Variants in LRRC4C observed in about 807,000 individuals in gnomAD.
LRRC4C encodes leucine-rich repeat-containing protein 4C.
LRRC4C carries 5 observed loss-of-function variants against 33.6 expected under a neutral mutation model. The observed-to-expected ratio is 0.15, with a 90% CI of 0.08 to 0.31. LRRC4C has a LOEUF of 0.31. LRRC4C is among the 10% of genes least tolerant of loss of function. The pLI is 1.00. For synonymous variants in LRRC4C, 329 were observed against 302.0 expected, an observed-to-expected ratio of 1.09 and a Z score of -0.93; for missense variants, 560 against 796.7, an observed-to-expected ratio of 0.70 and a Z score of 3.58.
chr11:41,018,314 TC>T (rs1157789977), intron 1 of LRRC4C, among the ~76,000 whole-genome samples: 1 of 152,146 alleles, frequency 6.6e-6, no homozygotes, highest in Non-Finnish European at 1.5e-5. Context: ...CACTTCTAGA[TC>T]AGCACCAAAA....
At chr11:41,088,719 A>T (rs1382878078) in intron 1 of LRRC4C, among the ~76,000 whole-genome samples, 2 of 152,080 alleles carry the variant, frequency 1.3e-5, no homozygotes, top group Non-Finnish European at 2.9e-5. Context: ...CCAAAGTTTA[A>T]ATAAGTAATA....
intron 2 of LRRC4C, among the ~76,000 whole-genome samples, chr11:40,848,614 T>C (rs1484697951): frequency 6.6e-6 from 1 of 152,206 alleles, no homozygotes; most frequent in African/African-American, 2.4e-5. Flanking sequence ...GAAGAATGTA[T>C]ATTCTGCTGA....
At chr11:40,632,578 T>C (rs1261494974) in intron 3 of LRRC4C, among the ~76,000 whole-genome samples, 3 of 152,204 alleles carry the variant, frequency 2.0e-5, no homozygotes, top group Non-Finnish European at 2.9e-5. Flanking sequence ...GAGAAGACAC[T>C]CTGCATTTTA....
At chr11:41,280,939 C>T (rs762048268) in intron 1 of LRRC4C, among the ~76,000 whole-genome samples, 5 of 151,984 alleles carry the variant, frequency 3.3e-5, no homozygotes, top group Non-Finnish European at 7.4e-5. Context: ...GGTACACTCT[C>T]GTCACCAAGA....
chr11:40,744,326 A>T (rs1184880299), intron 2 of LRRC4C, among the ~76,000 whole-genome samples: 1 of 152,188 alleles, frequency 6.6e-6, no homozygotes, highest in Non-Finnish European at 1.5e-5. Context: ...TAAAATGGTG[A>T]CATCTGAAAA....
intron 1 of LRRC4C, among the ~76,000 whole-genome samples, chr11:41,033,427 G>A (rs560406453): frequency 6.6e-6 from 1 of 152,170 alleles, no homozygotes; most frequent in South Asian, 2.1e-4. Flanking sequence ...GTAAGGTACA[G>A]GGTTGAGCTG....
intron 5 of LRRC4C, among the ~76,000 whole-genome samples, chr11:40,192,046 T>C (rs1294602606): frequency 2.0e-5 from 3 of 152,186 alleles, no homozygotes; most frequent in Non-Finnish European, 2.9e-5. Context: ...TAACATTATA[T>C]AGGCACTTGA....
intron 2 of LRRC4C, among the ~76,000 whole-genome samples, chr11:40,666,730 T>C (rs917495559): frequency 6.6e-6 from 1 of 151,820 alleles, no homozygotes; most frequent in African/African-American, 2.4e-5. Flanking sequence ...TAATCTTAAA[T>C]TAACAGGAGA....
At chr11:40,418,822 G>C (rs1950420928) in intron 3 of LRRC4C, among the ~76,000 whole-genome samples, 1 of 152,136 alleles carries the variant, frequency 6.6e-6, no homozygotes, top group Non-Finnish European at 1.5e-5. Context: ...GACACGGATG[G>C]AGCTGGAAGC....
chr11:40,885,645 A>G (rs1461168027), intron 2 of LRRC4C, among the ~76,000 whole-genome samples: 1 of 152,100 alleles, frequency 6.6e-6, no homozygotes, highest in East Asian at 1.9e-4. Flanking sequence ...TTAGAGACAC[A>G]GGTATCGTAC....
chr11:40,703,578 A>C (rs1945991094), intron 2 of LRRC4C, among the ~76,000 whole-genome samples: 1 of 152,124 alleles, frequency 6.6e-6, no homozygotes, highest in South Asian at 2.1e-4. Context: ...AGAGACAGAG[A>C]GAGCTTTACA....
intron 3 of LRRC4C, among the ~76,000 whole-genome samples, chr11:40,497,591 G>C (rs1954531801): frequency 6.6e-6 from 1 of 152,124 alleles, no homozygotes; most frequent in Admixed American, 6.6e-5. Flanking sequence ...CAAAAGAAAT[G>C]TGACCATGCT....
chr11:41,107,030 C>T (rs1192859951), intron 1 of LRRC4C, among the ~76,000 whole-genome samples: 1 of 147,678 alleles, frequency 6.8e-6, no homozygotes, highest in Admixed American at 6.9e-5. Flanking sequence ...AAATTAAATA[C>T]TTGAGACCAG....
chr11:40,432,000 C>T (rs1214968308), intron 3 of LRRC4C, among the ~76,000 whole-genome samples: 1 of 152,126 alleles, frequency 6.6e-6, no homozygotes, highest in East Asian at 1.9e-4. Flanking sequence ...CTCATCTTAC[C>T]CTCAACAAGA....
intron 3 of LRRC4C, among the ~76,000 whole-genome samples, chr11:40,435,689 A>C (rs1691489228): frequency 6.6e-6 from 1 of 152,178 alleles, no homozygotes; most frequent in Non-Finnish European, 1.5e-5. Flanking sequence ...GTGGAAAAAC[A>C]GATTGGAGGG....
At chr11:40,116,638 C>T (rs776519228) in intron 6 of LRRC4C, among the ~76,000 whole-genome samples, 3 of 152,110 alleles carry the variant, frequency 2.0e-5, no homozygotes, top group Non-Finnish European at 4.4e-5. Context: ...ACATATAATA[C>T]ATACCCTACC....
At chr11:40,430,203 A>G (rs1285543418) in intron 3 of LRRC4C, among the ~76,000 whole-genome samples, 7 of 142,756 alleles carry the variant, frequency 4.9e-5, no homozygotes, top group Non-Finnish European at 7.7e-5. Context: ...TTAGCTTAAA[A>G]TCACTGTGCA....
chr11:41,288,387 T>C (rs1299523676), intron 1 of LRRC4C, among the ~76,000 whole-genome samples: 1 of 152,140 alleles, frequency 6.6e-6, no homozygotes, highest in African/African-American at 2.4e-5. Context: ...ACAATCTTTC[T>C]GAGTAAGAAT....
At chr11:40,438,257 T>G (rs565762742) in intron 3 of LRRC4C, among the ~76,000 whole-genome samples, 1 of 152,352 alleles carries the variant, frequency 6.6e-6, no homozygotes, top group South Asian at 2.1e-4. Flanking sequence ...TCTCATCTTC[T>G]GCAAACATTT....
Sources: allele counts gnomAD v4.1 joint callset (sites outside exome capture counted in the v4.1 genomes callset), GRCh38; gene constraint gnomAD v4.1.1; transcripts MANE v1.5; gene names NCBI Gene and HGNC (gene_info 2026-07-23, HGNC 2026-07-21).